ITGAD: variants seen among roughly 807,000 people sequenced by gnomAD.
ITGAD encodes the protein integrin alpha-D.
Under a neutral mutation model 139.0 loss-of-function variants are expected in ITGAD, and 105 were observed. The observed-to-expected ratio is 0.76, with a 90% CI of 0.65 to 0.89. The LOEUF (loss-of-function observed/expected upper bound fraction) is 0.89, where lower values mean the gene tolerates loss of function less well. ITGAD is among the 40% of genes least tolerant of loss of function. The pLI, the probability that ITGAD is intolerant of heterozygous loss-of-function variation, is 0.00. For missense variants in ITGAD, 1,384 were observed against 1,487.3 expected (o/e 0.93, Z 1.14); for synonymous variants, 569 against 598.3 (o/e 0.95, Z 0.71).
Position 31,423,905 on chromosome 16 carries a change from G to C in ITGAD, c.3106G>C (p.Glu1036Gln). The C allele has an allele frequency of 6.2e-7, 1 of 1,614,214 alleles. No homozygotes were observed. Among genetic ancestry groups the C allele is most frequent in the Non-Finnish European group, 8.5e-7 (1 of 1,180,034 alleles). Residue 1036 changes from glutamate to glutamine, a missense_variant, in exon 27 of 30, where the codon GAG becomes CAG. Glu to Gln is a conservative substitution (Grantham distance 29). Coordinates refer to ENST00000389202, the MANE Select transcript of ITGAD (RefSeq NM_005353.3). ...TGACGTCCCCTCCTTCAGCGTCCAGGAGGAGCTGGATTTCACCCTGAAGGG... is the reference window on the plus strand; with the variant it reads ...TGACGTCCCCTCCTTCAGCGTCCAGCAGGAGCTGGATTTCACCCTGAAGGG... ...RCDVPSFSVQ[E>Q]ELDFTLKGNL...
chr16:31,416,234 G>A lies in ITGAD; in HGVS notation c.2305G>A (p.Gly769Arg). The part of the protein sequence containing the change: ...TASLPFEKNC[G>R]QDGLCEGDLG... ...GCAGCTCCCCTTCGAGAAGAACTGT[G>A]GGCAAGATGGCCTCTGTGAAGGGGA... The change falls in exon 19 of 30, where the codon GGG becomes AGG. Residue 769 changes from glycine (G) to arginine (R), a missense_variant. By Grantham distance (125) the Gly-to-Arg change is moderately radical (BLOSUM62 -2). Coordinates refer to ENST00000389202, the MANE Select transcript of ITGAD (RefSeq NM_005353.3). 1 of 1,606,908 alleles carries A rather than the reference G, an allele frequency of 6.2e-7. No individual in the cohort carries two copies. The highest frequency in any genetic ancestry group is 1.1e-5 in the South Asian group (1 of 89,940).
At chr16:31,400,101 T>G (rs753478795) in intron 5 of ITGAD, among the ~76,000 whole-genome samples, 36 of 152,094 alleles carry the variant, frequency 2.4e-4, no homozygotes, top group Non-Finnish European at 5.0e-4. Flanking sequence ...TGAGAGAGGA[T>G]GAGAGGGTGG....
intron 29 of ITGAD, among the ~76,000 whole-genome samples, chr16:31,425,689 CTT>C (rs113613818): frequency 7.6e-5 from 11 of 144,604 alleles, no homozygotes; most frequent in Admixed American, 2.1e-4. Context: ...TCTTCTTCTT[CTT>C]TTTTTTTTTT....
chr16:31,395,877 G>A (rs1354540490), intron 2 of ITGAD, among the ~76,000 whole-genome samples: 2 of 152,036 alleles, frequency 1.3e-5, no homozygotes, highest in African/African-American at 4.8e-5. Context: ...CTCCAACCGC[G>A]CACCCCTCTC....
In ITGAD at chr16:31,416,583, C is replaced by A. The variant is rs143643916; in HGVS notation, c.2436C>A (p.Tyr812Ter). 1.2e-6 allele frequency: 2 copies of A among 1,613,674 alleles called. No individual in the cohort carries two copies. Among genetic ancestry groups the A allele is most frequent in the Admixed American group, 1.7e-5 (1 of 59,992 alleles). Residue 812 changes from tyrosine to a stop codon, truncating the protein, a stop_gained, in exon 20 of 30, where the codon TAC becomes TAA. Coordinates refer to ENST00000389202, the MANE Select transcript of ITGAD (RefSeq NM_005353.3). LOFTEE classifies it high-confidence loss of function. Reference sequence around the variant, plus strand: ...TGTGGAACGCAGGTGAGGATTCCTACGGAACCGTGGTCAGCCTCTACTATC... The same window carrying A: ...TGTGGAACGCAGGTGAGGATTCCTAAGGAACCGTGGTCAGCCTCTACTATC... ...VTVWNAGEDS[Y>*]GTVVSLYYPA...
rs1321087463 is a variant in ITGAD, at chr16:31,403,436, A to G, written c.559-64A>G. On this transcript the variant is annotated intron_variant, in intron 6 of 29. Coordinates refer to ENST00000389202, the MANE Select transcript of ITGAD (RefSeq NM_005353.3). The surrounding 1 kb of genome is among the most constrained non-coding windows in gnomAD (Gnocchi z 4.4). ...GTTTGAGAGACCCTGTCTCTACAAA[A>G]AATTAAAATAAAAACAATAGTAACA... The G allele has an allele frequency of 1.2e-5, 19 of 1,592,716 alleles. No individual in the cohort carries two copies. Among genetic ancestry groups the G allele is most frequent in the Non-Finnish European group, 1.5e-5 (18 of 1,166,284 alleles).
rs1422160826 is a variant in ITGAD at position 31,426,101 on chromosome 16, T to C, written c.3459T>C (p.Cys1153=). ...TATFSGDDFS[C]VAPNVPLS ...CATTCAGTGGGGACGATTTCAGCTG[T>C]GTGGCCCCAAATGTGCCTTTGTCCT... The change falls in exon 30 of 30, where the codon TGT becomes TGC. Residue 1153 remains cysteine (C), a synonymous_variant. Coordinates refer to ENST00000389202, the MANE Select transcript of ITGAD (RefSeq NM_005353.3). 4.3e-6 allele frequency: 7 copies of C among 1,613,004 alleles called. No individual in the cohort carries two copies. The East Asian group carries it at 6.7e-5, about 15-fold the overall frequency.
intron 16 of ITGAD, 69 bp from the exon 17 acceptor site, chr16:31,414,382 C>T (rs1217016412): frequency 6.5e-7 from 1 of 1,545,982 alleles, no homozygotes. Context: ...ATTGCATGAA[C>T]AAATAATGAA....
intron 23 of ITGAD, 132 bp from the exon 24 acceptor site, chr16:31,422,982 T>C: frequency 1.4e-6 from 1 of 737,662 alleles, no homozygotes. Context: ...TGAGCCACTG[T>C]GCCCGGCCAA....
intron 2 of ITGAD, among the ~76,000 whole-genome samples, chr16:31,394,895 G>C (rs2081227799): frequency 6.6e-6 from 1 of 152,190 alleles, no homozygotes. Flanking sequence ...TGTCCAGACT[G>C]GCTGAACTCC....
rs183419931 is a variant in ITGAD, at chr16:31,396,744, G to A, written c.138-615G>A. On this transcript the variant is annotated intron_variant, in intron 2 of 29. Transcript: ENST00000389202. The stretch of plus-strand genomic sequence containing the variant: ...TCACAGACAGGAGATTGTGGGTAGT[G>A]AGAAAACATTTCCAAAATTAAAAAA... Among the ~76,000 whole-genome samples, 357 of 152,330 alleles carry A rather than the reference G, an allele frequency of 2.3e-3. 1 individual carries two copies. The highest frequency in any genetic ancestry group is 5.6e-3 in the Admixed American group (85 of 15,308).
In ITGAD at chr16:31,408,061, T is replaced by A. The variant is rs113883839; in HGVS notation, c.1009+145T>A. The stretch of plus-strand genomic sequence containing the variant: ...ATCTCGGCTCACTGCAACCTCTGCC[T>A]CCTGGGTTCAAGTGATTCTCTCGCC... On this transcript the variant is annotated intron_variant, in intron 9 of 29. Transcript: ENST00000389202. 1.2e-3 allele frequency: 1,037 copies of A among 841,936 alleles called. 12 individuals are homozygous for A. The African/African-American group carries it at 0.016, about 13-fold the overall frequency. The allele number at this position is 841,936 out of a possible 1,614,324, so 52.2% of individuals were successfully genotyped here.
intron 22 of ITGAD, 36 bp downstream of exon 22, chr16:31,418,416 G>A (rs557406942): frequency 2.0e-5 from 32 of 1,606,538 alleles, no homozygotes; most frequent in East Asian, 1.3e-4. Flanking sequence ...ACCCTCCATC[G>A]CATGCCCCGG....
intron 5 of ITGAD, among the ~76,000 whole-genome samples, chr16:31,400,367 G>A (rs920694330): frequency 2.0e-5 from 3 of 152,176 alleles, no homozygotes; most frequent in Non-Finnish European, 1.5e-5. Context: ...TGGGCAGGGG[G>A]CAGAAACCAC....
rs1597164685 is a variant in ITGAD, at chr16:31,422,975, G to C, written c.2781-139G>C. On this transcript the variant is annotated intron_variant, in intron 23 of 29. Transcript: ENST00000389202. The stretch of plus-strand genomic sequence containing the variant: ...CAAAGTGCTGGGATTACAGGCATGA[G>C]CCACTGTGCCCGGCCAAATAATGTC... The C allele has an allele frequency of 7.1e-6, 5 of 701,738 alleles. No homozygotes were observed. In the East Asian group the frequency reaches 1.1e-4, roughly 15 times the overall value. The allele number at this position is 701,738 out of a possible 1,614,324, so 43.5% of individuals were successfully genotyped here.
intron 6 of ITGAD, 25 bp downstream of exon 6, chr16:31,402,270 G>T: frequency 6.3e-7 from 1 of 1,596,762 alleles, no homozygotes; most frequent in South Asian, 1.1e-5. Context: ...CCTGGGGCTG[G>T]GGTTTGGGGG....
At position 31,411,415 on chromosome 16, in the gene ITGAD, G is replaced by A. The variant is rs1209515897; in HGVS notation, c.1605G>A (p.Leu535=). 1 of 1,613,948 alleles carries A rather than the reference G, an allele frequency of 6.2e-7. No individual in the cohort carries two copies. The highest frequency in any genetic ancestry group is 1.3e-5 in the African/African-American group (1 of 74,890). ...TVLGDVNEDK[L]IDVAIGAPGE... ...TGGGGGATGTGAATGAGGACAAGCT[G>A]ATAGACGTGGCCATTGGGGCCCCGG... is the stretch of plus-strand genomic sequence containing the variant. Residue 535 remains leucine (L), a synonymous_variant, in exon 14 of 30, where the codon CTG becomes CTA. Transcript: ENST00000389202.
chr16:31,401,993 A>T, intron 5 of ITGAD, 122 bp from the exon 6 acceptor site: 7 of 1,102,306 alleles, frequency 6.4e-6, no homozygotes, highest in Admixed American at 2.2e-5. Flanking sequence ...GGCCTCCTCC[A>T]AGGAGGGGTC....
intron 29 of ITGAD, 155 bp downstream of exon 29, chr16:31,424,732 G>C: frequency 1.9e-6 from 1 of 535,502 alleles, no homozygotes; most frequent in Non-Finnish European, 3.3e-6. Context: ...CGAGTAGCTG[G>C]GATTACAGGT....
Sources: gnomAD v4.1 joint callset for allele counts (sites outside exome capture counted in the v4.1 genomes callset) on GRCh38, gnomAD v4.1.1 for gene constraint, Gnocchi (gnomAD v3.1) non-coding constraint, MANE v1.5 for transcripts, NCBI Gene and HGNC (gene_info 2026-07-23, HGNC 2026-07-21) for gene names.